Variants in ARHGAP24 observed in about 807,000 individuals in gnomAD.
ARHGAP24 encodes the protein rho GTPase-activating protein 24.
Under a neutral mutation model 76.4 loss-of-function variants are expected in ARHGAP24, and 50 were observed. The ratio of observed to expected loss-of-function variants is 0.65; its 90% CI spans 0.52 to 0.83. ARHGAP24 has a LOEUF of 0.83. ARHGAP24 is among the 40% of genes least tolerant of loss of function. The pLI is 0.00. For synonymous variants in ARHGAP24, 345 were observed against 323.3 expected, an observed-to-expected ratio of 1.07 and a Z score of -0.72; for missense variants, 930 against 914.2, an observed-to-expected ratio of 1.02 and a Z score of -0.22.
chr4:85,848,389 T>C (rs896621370), intron 3 of ARHGAP24, among the ~76,000 whole-genome samples: 1 of 152,172 alleles, frequency 6.6e-6, no homozygotes, highest in Non-Finnish European at 1.5e-5. Flanking sequence ...TGTGTCCAAG[T>C]GTTCTCATTG....
At chr4:85,808,276 G>A (rs527843932) in intron 3 of ARHGAP24, among the ~76,000 whole-genome samples, 6 of 152,158 alleles carry the variant, frequency 3.9e-5, no homozygotes, top group South Asian at 2.1e-4. Flanking sequence ...GCATTCTAAC[G>A]TACTATCTAG....
chr4:85,510,135 C>T (rs1182397966), intron 1 of ARHGAP24, among the ~76,000 whole-genome samples: 1 of 152,082 alleles, frequency 6.6e-6, no homozygotes, highest in East Asian at 1.9e-4. Flanking sequence ...AATAAAGTGA[C>T]AGGAATATAC....
At chr4:85,605,145 CTTTTT>C (rs752195603) in intron 2 of ARHGAP24, among the ~76,000 whole-genome samples, 1 of 152,000 alleles carries the variant, frequency 6.6e-6, no homozygotes, top group Non-Finnish European at 1.5e-5. Flanking sequence ...AGTGATTTTT[CTTTTT>C]TGTGTCTAGA....
intron 3 of ARHGAP24, among the ~76,000 whole-genome samples, chr4:85,922,293 C>G (rs1735765876): frequency 6.6e-6 from 1 of 152,166 alleles, no homozygotes; most frequent in Non-Finnish European, 1.5e-5. Flanking sequence ...CTAGAGCATT[C>G]ATATAGAATT....
chr4:85,761,996 C>T (rs1365195053), intron 3 of ARHGAP24, among the ~76,000 whole-genome samples: 4 of 152,150 alleles, frequency 2.6e-5, no homozygotes, highest in African/African-American at 9.7e-5. Context: ...GTCTCGCAGC[C>T]TTTATATTGA....
chr4:85,655,788 T>TAGAGAGAGAG (rs1296201189), intron 2 of ARHGAP24, among the ~76,000 whole-genome samples: 22 of 49,512 alleles, frequency 4.4e-4, no homozygotes, highest in South Asian at 1.5e-3. Flanking sequence ...TATATATATA[T>TAGAGAGAGAG]ATATAGAGAG....
chr4:85,513,561 A>ATTTT (rs1560515289), intron 1 of ARHGAP24, among the ~76,000 whole-genome samples: 3 of 150,756 alleles, frequency 2.0e-5, no homozygotes, highest in African/African-American at 7.3e-5. Flanking sequence ...CTTTTTTTTA[A>ATTTT]AAAAAAAAGC....
chr4:85,827,018 C>G (rs1021777473), intron 3 of ARHGAP24, among the ~76,000 whole-genome samples: 1 of 152,152 alleles, frequency 6.6e-6, no homozygotes, highest in African/African-American at 2.4e-5. Flanking sequence ...AACTTAGACT[C>G]TACAGGGAAA....
At chr4:85,812,476 T>C (rs577879913) in intron 3 of ARHGAP24, among the ~76,000 whole-genome samples, 1 of 152,152 alleles carries the variant, frequency 6.6e-6, no homozygotes, top group Non-Finnish European at 1.5e-5. Context: ...AGAATCTAGA[T>C]AAAATCTAAC....
chr4:85,627,068 C>G (rs189313090), intron 2 of ARHGAP24, among the ~76,000 whole-genome samples: 1 of 152,266 alleles, frequency 6.6e-6, no homozygotes, highest in Admixed American at 6.5e-5. Flanking sequence ...GCCTTCTTCT[C>G]TCAACTTGTC....
At chr4:85,743,432 A>T in intron 3 of ARHGAP24, among the ~76,000 whole-genome samples, 1 of 114,074 alleles carries the variant, frequency 8.8e-6, no homozygotes, top group Non-Finnish European at 1.8e-5. Flanking sequence ...AAAAAAAAAA[A>T]AGGCTGGGCA....
intron 2 of ARHGAP24, among the ~76,000 whole-genome samples, chr4:85,654,796 G>A (rs1224532649): frequency 6.6e-6 from 1 of 152,102 alleles, no homozygotes; most frequent in Non-Finnish European, 1.5e-5. Context: ...TATATAGTCA[G>A]ATTTATAACA....
intron 3 of ARHGAP24, among the ~76,000 whole-genome samples, chr4:85,775,897 G>C (rs1727292494): frequency 6.6e-6 from 1 of 152,066 alleles, no homozygotes; most frequent in South Asian, 2.1e-4. Flanking sequence ...GTGAAGCAGG[G>C]GAATGATGGG....
chr4:85,662,073 A>G (rs906570664), intron 2 of ARHGAP24, among the ~76,000 whole-genome samples: 22 of 152,158 alleles, frequency 1.4e-4, no homozygotes, highest in African/African-American at 4.8e-4. Context: ...CTACTTCTAG[A>G]TCCCTGAGGA....
intron 1 of ARHGAP24, among the ~76,000 whole-genome samples, chr4:85,556,768 C>G (rs867892562): frequency 6.6e-6 from 1 of 152,190 alleles, no homozygotes; most frequent in African/African-American, 2.4e-5. Context: ...TCTCCAACCA[C>G]TCCACTCCCT....
intron 5 of ARHGAP24, among the ~76,000 whole-genome samples, chr4:85,969,464 T>C (rs1738833235): frequency 6.6e-6 from 1 of 151,990 alleles, no homozygotes; most frequent in Non-Finnish European, 1.5e-5. Flanking sequence ...TTGAAATATA[T>C]ACTTATTTAT....
intron 4 of ARHGAP24, among the ~76,000 whole-genome samples, chr4:85,927,336 G>A (rs1055952091): frequency 6.6e-6 from 1 of 152,204 alleles, no homozygotes; most frequent in East Asian, 1.9e-4. Flanking sequence ...CTGGGATGGG[G>A]GGATGAGGGG....
intron 1 of ARHGAP24, among the ~76,000 whole-genome samples, chr4:85,551,687 C>T (rs971721161): frequency 7.9e-5 from 12 of 152,132 alleles, no homozygotes; most frequent in Admixed American, 2.0e-4. Context: ...TTTTTATTAC[C>T]GATTCAATTT....
intron 7 of ARHGAP24, among the ~76,000 whole-genome samples, chr4:85,976,682 C>T (rs979448146): frequency 6.6e-6 from 1 of 151,952 alleles, no homozygotes; most frequent in African/African-American, 2.4e-5. Context: ...TATTTCATGC[C>T]TCTTACTTTT....
Sources: gnomAD v4.1 joint callset for allele counts (sites outside exome capture counted in the v4.1 genomes callset) on GRCh38, gnomAD v4.1.1 for gene constraint, MANE v1.5 for transcripts, NCBI Gene and HGNC (gene_info 2026-07-23, HGNC 2026-07-21) for gene names.